FRYL: variants seen among roughly 807,000 people sequenced by gnomAD.
The protein encoded by FRYL is protein furry homolog-like.
Under a neutral mutation model 351.2 loss-of-function variants are expected in FRYL, and 150 were observed. That is an observed-to-expected ratio of 0.43 (90% CI 0.37 to 0.49). The LOEUF is 0.49. Ranked by LOEUF, FRYL falls within the 20% of genes least tolerant of loss-of-function variation. FRYL has a pLI of 0.00. For synonymous variants in FRYL, 1,153 were observed against 1,257.1 expected (o/e 0.92, Z 1.75); for missense variants, 3,036 against 3,619.3 (o/e 0.84, Z 4.13).
chr4:48,602,705 G>C (rs1171425390), intron 12 of FRYL, among the ~76,000 whole-genome samples: 1 of 152,098 alleles, frequency 6.6e-6, no homozygotes, highest in African/African-American at 2.4e-5. Flanking sequence ...AAAGTTATGT[G>C]AAATAGACAG....
intron 1 of FRYL, among the ~76,000 whole-genome samples, chr4:48,766,714 A>G (rs1326362248): frequency 6.6e-6 from 1 of 152,190 alleles, no homozygotes; most frequent in African/African-American, 2.4e-5. Context: ...CCTCAAAATA[A>G]TCAGTGCTAG....
intron 1 of FRYL, among the ~76,000 whole-genome samples, chr4:48,761,191 C>G (rs1774389712): frequency 1.3e-5 from 2 of 152,108 alleles, no homozygotes; most frequent in Admixed American, 6.5e-5. Context: ...CTACTTTTCA[C>G]CATGCTATAT....
chr4:48,669,755 T>A (rs1424248268), intron 3 of FRYL, among the ~76,000 whole-genome samples: 1 of 151,788 alleles, frequency 6.6e-6, no homozygotes, highest in Non-Finnish European at 1.5e-5. Context: ...GACAGATGTA[T>A]GTTTACTTCA....
intron 1 of FRYL, among the ~76,000 whole-genome samples, chr4:48,763,919 A>G (rs1774675054): frequency 6.6e-6 from 1 of 152,314 alleles, no homozygotes; most frequent in African/African-American, 2.4e-5. Flanking sequence ...CTGTAATCCC[A>G]GCACTTCGGG....
chr4:48,545,460 G>A (rs566963530), intron 42 of FRYL, among the ~76,000 whole-genome samples: 17 of 152,190 alleles, frequency 1.1e-4, no homozygotes, highest in African/African-American at 3.6e-4. Flanking sequence ...CTGTTATGGG[G>A]CTGATTTTCT....
intron 55 of FRYL, among the ~76,000 whole-genome samples, chr4:48,518,766 TAAA>T (rs1351319807): frequency 8.5e-5 from 13 of 152,354 alleles, no homozygotes; most frequent in African/African-American, 2.6e-4. Flanking sequence ...GGTTTCACCT[TAAA>T]TGCTACCCCT....
At chr4:48,568,023 T>C (rs550004293) in intron 27 of FRYL, among the ~76,000 whole-genome samples, 2 of 152,344 alleles carry the variant, frequency 1.3e-5, no homozygotes, top group East Asian at 3.9e-4. Context: ...GCCAGCACTT[T>C]GGGAAGCCAA....
chr4:48,557,907 A>G (rs1332515878), intron 33 of FRYL, among the ~76,000 whole-genome samples, 195 bp from the exon 34 acceptor site: 1 of 152,254 alleles, frequency 6.6e-6, no homozygotes, highest in East Asian at 1.9e-4. Context: ...TAAATCACAT[A>G]CATTTTATAC....
At chr4:48,541,051 T>A (rs1730036808) in intron 45 of FRYL, 91 bp from the exon 46 acceptor site, 45 of 1,255,790 alleles carry the variant, frequency 3.6e-5, no homozygotes, top group Non-Finnish European at 4.6e-5. Flanking sequence ...AAATAGTAAC[T>A]GGTACCAGAA....
At chr4:48,607,808 C>T (rs559115982) in intron 9 of FRYL, among the ~76,000 whole-genome samples, 1 of 152,314 alleles carries the variant, frequency 6.6e-6, no homozygotes, top group South Asian at 2.1e-4. Flanking sequence ...CATACATTTA[C>T]TGGCTGTTTG....
intron 46 of FRYL, 71 bp from the exon 47 acceptor site, chr4:48,540,139 T>C: frequency 2.3e-6 from 3 of 1,288,226 alleles, no homozygotes; most frequent in Non-Finnish European, 3.2e-6. Flanking sequence ...AAGTTATTTT[T>C]TTAGATGGTT....
intron 1 of FRYL, among the ~76,000 whole-genome samples, chr4:48,730,148 A>T (rs1358555035): frequency 1.3e-5 from 2 of 152,186 alleles, no homozygotes; most frequent in Admixed American, 1.3e-4. Flanking sequence ...CTGAAGATCA[A>T]ATTAATGAAA....
In FRYL at chr4:48,576,976, CCT is replaced by C. The variant is rs540462846; in HGVS notation, c.2529-756_2529-755del. On this transcript the variant is annotated intron_variant, in intron 23 of 63. Transcript: ENST00000358350. The stretch of plus-strand genomic sequence containing the variant: ...ACCTTTTAGACTTACGTATTTTTCA[CCT>C]CTCTATGTAAATTAATATACTTCTG... Among the ~76,000 whole-genome samples the C allele has an allele frequency of 1.7e-4, 26 of 152,032 alleles. No individual in the cohort carries two copies. In the East Asian group the frequency reaches 4.4e-3, roughly 26 times the overall value.
chr4:48,498,217 C>T lies in FRYL; in HGVS notation c.*1205G>A, dbSNP rs1718821727. ...AGTCTTCAGGCTTCCTTTCATTTCC[C>T]CTAGCCCCAGGTTTCTTTAGGGTAA... On this transcript the variant is annotated 3_prime_UTR_variant, in exon 64 of 64. Transcript: ENST00000358350. 6.6e-6 allele frequency: 1 copy of T among 152,086 alleles called. No homozygotes were observed. Among genetic ancestry groups the T allele is most frequent in the Admixed American group, 6.6e-5 (1 of 15,266 alleles). The allele number at this position is 152,086 out of a possible 1,614,324, so 9.4% of individuals were successfully genotyped here.
intron 35 of FRYL, among the ~76,000 whole-genome samples, chr4:48,556,161 C>T (rs1734082539): frequency 6.6e-6 from 1 of 152,216 alleles, no homozygotes; most frequent in Admixed American, 6.5e-5. Context: ...TCCCAAAGTG[C>T]TGGAATTATA....
chr4:48,778,421 A>C (rs1776251948), intron 1 of FRYL, among the ~76,000 whole-genome samples: 1 of 152,236 alleles, frequency 6.6e-6, no homozygotes, highest in African/African-American at 2.4e-5. Context: ...GTGGAAGACA[A>C]GACACGATGG....
At chr4:48,637,548 T>C (rs1754483239) in intron 3 of FRYL, 1 of 151,192 alleles carries the variant, frequency 6.6e-6, no homozygotes, top group Non-Finnish European at 1.5e-5. Flanking sequence ...TAACTGTTAA[T>C]ATAATTCTAA....
At chr4:48,551,619 CTG>C (rs940704271) in intron 36 of FRYL, 41 bp from the exon 37 acceptor site, 2 of 1,204,856 alleles carry the variant, frequency 1.7e-6, no homozygotes, top group African/African-American at 3.0e-5. Context: ...ATCTACAAAC[CTG>C]GAATAACCCA....
chr4:48,776,173 A>C (rs962504811), intron 1 of FRYL, among the ~76,000 whole-genome samples: 5 of 149,232 alleles, frequency 3.4e-5, no homozygotes, highest in African/African-American at 1.2e-4. Flanking sequence ...TTTTAAATAG[A>C]GTCAGAGTCT....
Sources: gnomAD v4.1 joint callset for allele counts (sites outside exome capture counted in the v4.1 genomes callset) on GRCh38, gnomAD v4.1.1 for gene constraint, MANE v1.5 for transcripts, NCBI Gene and HGNC (gene_info 2026-07-23, HGNC 2026-07-21) for gene names.